Variants in USP7 observed in about 807,000 individuals in gnomAD.
The protein encoded by USP7 is ubiquitin specific peptidase 7, also known as ubiquitin C-terminal hydrolase 7.
USP7 carries 9 observed loss-of-function variants against 162.9 expected under a neutral mutation model. The observed-to-expected ratio is 0.06, with a 90% CI of 0.03 to 0.10. The LOEUF is 0.10. Ranked by LOEUF, USP7 falls within the 10% of genes least tolerant of loss-of-function variation. The pLI is 1.00. For synonymous variants in USP7, 562 were observed against 475.9 expected (o/e 1.18, Z -2.35); for missense variants, 715 against 1,373.7 (o/e 0.52, Z 7.58).
At chr16:8,962,782 A>C (rs1900069143) in intron 1 of USP7, 2 of 160,730 alleles carry the variant, frequency 1.2e-5, no homozygotes, top group African/African-American at 4.8e-5. Context: ...AGCGCACCGG[A>C]GCAGGTGCGG....
Position 8,963,240 on chromosome 16 carries a change from G to A in USP7, c.46C>T (p.Gln16Ter). 1 of 1,395,504 alleles carries A rather than the reference G, an allele frequency of 7.2e-7. No individual in the cohort carries two copies. The highest frequency in any genetic ancestry group is 9.4e-7 in the Non-Finnish European group (1 of 1,063,796). 86.4% of individuals were successfully genotyped at this position (1,395,504 alleles called of 1,614,324 possible). ...TCCATGTCCTCGGGCTCGCTCAACT[G>A]CTGCTCGCCCGCTTTCTGCTGCTGC... ...QQQQQKAGEQ[Q>*]LSEPEDMEME... Residue 16 changes from glutamine (Q) to a stop codon, truncating the protein, a stop_gained, in exon 1 of 31, where the codon CAG becomes TAG. Transcript: ENST00000344836. LOFTEE classifies it high-confidence loss of function.
At chr16:8,900,937 C>T in intron 20 of USP7, 53 bp downstream of exon 20, 1 of 1,577,124 alleles carries the variant, frequency 6.3e-7, no homozygotes, top group Non-Finnish European at 8.6e-7. Flanking sequence ...CAAACAAAAC[C>T]CTCCACAAAC....
intron 15 of USP7, among the ~76,000 whole-genome samples, chr16:8,903,967 T>C (rs764570050): frequency 3.3e-5 from 5 of 152,034 alleles, no homozygotes; most frequent in Non-Finnish European, 7.4e-5. Flanking sequence ...CAGCCAACGG[T>C]GAGATGACCT....
chr16:8,944,759 G>C (rs140642785), intron 1 of USP7, among the ~76,000 whole-genome samples: 1 of 152,200 alleles, frequency 6.6e-6, no homozygotes, highest in African/African-American at 2.4e-5. Context: ...TGGAACACCT[G>C]CAATTCAAGG....
At chr16:8,923,876 C>T (rs1897845820) in intron 2 of USP7, among the ~76,000 whole-genome samples, 2 of 152,156 alleles carry the variant, frequency 1.3e-5, no homozygotes, top group Non-Finnish European at 2.9e-5. Context: ...AGGGAAACAG[C>T]CATTCCCCTG....
At chr16:8,940,783 G>A (rs749791558) in intron 1 of USP7, among the ~76,000 whole-genome samples, 53 of 152,042 alleles carry the variant, frequency 3.5e-4, no homozygotes, top group Admixed American at 9.8e-4. Context: ...CTTCAGGTAG[G>A]GCCCTGGAAT....
rs1421063569 is a variant in USP7, at chr16:8,902,160, G to A, written c.1969C>T (p.Pro657Ser). 2 of 1,614,122 alleles carry A rather than the reference G, an allele frequency of 1.2e-6. No individual in the cohort carries two copies. Among genetic ancestry groups the A allele is most frequent in the South Asian group, 2.2e-5 (2 of 91,068 alleles). ...ACTGTTTCCAGGAATATTGTCCAAG[G>A]GTTTTCATTATCACTGAGCTCAATC... Reference protein sequence around the residue: ...TMIELSDNENPWTIFLETVDP... With the variant: ...TMIELSDNENSWTIFLETVDP... Residue 657 changes from proline to serine, a missense_variant, in exon 18 of 31, where the codon CCT (proline) becomes TCT (serine). Pro to Ser is a moderately conservative substitution (Grantham distance 74). This residue lies in a region of USP7 where 197 missense variants were observed against 306.5 expected (regional missense o/e 0.64). Coordinates refer to ENST00000344836, the MANE Select transcript of USP7 (RefSeq NM_003470.3).
intron 1 of USP7, chr16:8,936,472 G>C: frequency 8.8e-7 from 1 of 1,138,914 alleles, no homozygotes; most frequent in Non-Finnish European, 1.2e-6. Context: ...CTGATACAAT[G>C]TCTAGATGTA....
intron 5 of USP7, among the ~76,000 whole-genome samples, chr16:8,919,406 G>A (rs1897553573): frequency 6.6e-6 from 1 of 152,040 alleles, no homozygotes; most frequent in African/African-American, 2.4e-5. Context: ...AGCACCAACA[G>A]ACACTTAACG....
At position 8,922,385 on chromosome 16, in the gene USP7, C is replaced by T. The variant is rs567223980; in HGVS notation, c.383+830G>A. ...CGCCTATAGTCCCAGCTACTTGAGA[C>T]GCCGAGGCAGGAGAATCGCTTGAAC... On this transcript the variant is annotated intron_variant, in intron 3 of 30. Transcript: ENST00000344836. 2.6e-5 allele frequency among the ~76,000 whole-genome samples: 4 copies of T among 152,268 alleles called. No homozygotes were observed. In the East Asian group the frequency reaches 5.8e-4, roughly 22 times the overall value.
At chr16:8,949,885 C>T (rs146965968) in intron 1 of USP7, among the ~76,000 whole-genome samples, 31 of 152,304 alleles carry the variant, frequency 2.0e-4, no homozygotes, top group African/African-American at 7.5e-4. Flanking sequence ...CATGAAAATG[C>T]TTGGCTTTCC....
Position 8,929,609 on chromosome 16 carries a change from T to G in USP7, c.184+684A>C, listed in dbSNP as rs1465525959. On this transcript the variant is annotated intron_variant, in intron 2 of 30. Coordinates refer to ENST00000344836, the MANE Select transcript of USP7 (RefSeq NM_003470.3). ...TTTTTGACAGAACATGGTTTCATATTACACTCAAGACTCCAGGGGCTGCAT... is the reference window on the plus strand; with the variant it reads ...TTTTTGACAGAACATGGTTTCATATGACACTCAAGACTCCAGGGGCTGCAT... 8.8e-6 allele frequency: 4 copies of G among 455,952 alleles called. No individual in the cohort carries two copies. In the East Asian group the frequency reaches 2.8e-4, roughly 32 times the overall value. 28.2% of individuals were successfully genotyped at this position (455,952 alleles called of 1,614,324 possible).
chr16:8,910,622 T>A, intron 11 of USP7, 123 bp downstream of exon 11: 1 of 827,416 alleles, frequency 1.2e-6, no homozygotes, highest in Non-Finnish European at 1.9e-6. Flanking sequence ...AACAGAATCC[T>A]TGTATATTCT....
At chr16:8,956,776 C>G (rs909500736) in intron 1 of USP7, among the ~76,000 whole-genome samples, 1 of 147,654 alleles carries the variant, frequency 6.8e-6, no homozygotes, top group African/African-American at 2.5e-5. Context: ...AAAACAAAAA[C>G]AAAAAAAAAA....
intron 26 of USP7, 105 bp downstream of exon 26, chr16:8,896,894 G>T: frequency 3.5e-6 from 3 of 851,936 alleles, no homozygotes; most frequent in Non-Finnish European, 6.0e-6. Flanking sequence ...TGGGAATGAC[G>T]CGCATGGATC....
chr16:8,936,438 G>T, intron 1 of USP7: 1 of 774,484 alleles, frequency 1.3e-6, no homozygotes, highest in Non-Finnish European at 1.8e-6. Context: ...AAACTAGAAA[G>T]CAGTGATCTT....
rs768595730 is a variant in USP7 at position 8,894,034 on chromosome 16, G to A, written c.3273C>T (p.Tyr1091=). 3.7e-6 allele frequency: 6 copies of A among 1,614,218 alleles called. No individual in the cohort carries two copies. Among genetic ancestry groups the A allele is most frequent in the Non-Finnish European group, 5.1e-6 (6 of 1,180,046 alleles). Residue 1091 remains tyrosine, a synonymous_variant, in exon 31 of 31, where the codon TAC becomes TAT. Coordinates refer to ENST00000344836, the MANE Select transcript of USP7 (RefSeq NM_003470.3). ...TTTTAATGGCCTTTTCAAGGTAAGT[G>A]TAGCGACTCCTCTTTGGGGCTTTGT... ...HFNKAPKRSR[Y]TYLEKAIKIH...
intron 13 of USP7, among the ~76,000 whole-genome samples, chr16:8,906,073 CA>C (rs1307803467): frequency 6.6e-6 from 1 of 152,162 alleles, no homozygotes; most frequent in Non-Finnish European, 1.5e-5. Context: ...AAGGTAGGAC[CA>C]GGGGGCACGC....
intron 1 of USP7, among the ~76,000 whole-genome samples, chr16:8,952,385 C>T (rs1228901863): frequency 6.6e-6 from 1 of 152,236 alleles, no homozygotes; most frequent in Non-Finnish European, 1.5e-5. Flanking sequence ...GTTGACACAC[C>T]TTGTTCTTTC....
Sources: gnomAD v4.1 joint callset for allele counts (sites outside exome capture counted in the v4.1 genomes callset) on GRCh38, gnomAD v4.1.1 for gene constraint, gnomAD v4.1.1 regional missense constraint, MANE v1.5 for transcripts, NCBI Gene and HGNC (gene_info 2026-07-23, HGNC 2026-07-21) for gene names.